FMN1: variants seen among roughly 807,000 people sequenced by gnomAD.
FMN1 encodes formin 1.
FMN1 carries 110 observed loss-of-function variants against 132.4 expected under a neutral mutation model. That is an observed-to-expected ratio of 0.83 (90% CI 0.71 to 0.97). The LOEUF (loss-of-function observed/expected upper bound fraction) is 0.97. FMN1 is among the 50% of genes least tolerant of loss of function. The probability of loss-of-function intolerance (pLI) is 0.00; values close to 1 mark genes in which losing one functional copy is unlikely to be tolerated. For missense variants in FMN1, 1,792 were observed against 1,705.3 expected (o/e 1.05, Z -0.90); for synonymous variants, 722 against 651.7 (o/e 1.11, Z -1.64).
chr15:32,864,035 T>C (rs2059337423), intron 16 of FMN1, among the ~76,000 whole-genome samples: 1 of 152,040 alleles, frequency 6.6e-6, no homozygotes, highest in African/African-American at 2.4e-5. Flanking sequence ...ATTAATAAAA[T>C]ATTAGATATT....
intron 10 of FMN1, among the ~76,000 whole-genome samples, chr15:32,914,836 A>G (rs2060646273): frequency 1.3e-5 from 2 of 152,224 alleles, no homozygotes; most frequent in African/African-American, 4.8e-5. Context: ...CCCCCCAGAA[A>G]CAGGCAGAGG....
chr15:32,873,754 A>G (rs1237482596), intron 16 of FMN1, among the ~76,000 whole-genome samples: 1 of 152,124 alleles, frequency 6.6e-6, no homozygotes, highest in Admixed American at 6.5e-5. Context: ...AATGCCTATT[A>G]AACTCTCTAA....
At chr15:33,049,852 T>G (rs2036885268) in intron 6 of FMN1, among the ~76,000 whole-genome samples, 1 of 152,350 alleles carries the variant, frequency 6.6e-6, no homozygotes, top group South Asian at 2.1e-4. Flanking sequence ...TCTATAATTG[T>G]TGTTCCACCA....
chr15:33,067,633 C>T, intron 5 of FMN1: 1 of 1,614,016 alleles, frequency 6.2e-7, no homozygotes, highest in Non-Finnish European at 8.5e-7. Flanking sequence ...AAACCCGAGA[C>T]CCTGCTTCCT....
intron 9 of FMN1, among the ~76,000 whole-genome samples, chr15:32,952,150 T>C (rs968578073): frequency 1.3e-5 from 2 of 152,196 alleles, no homozygotes; most frequent in Non-Finnish European, 2.9e-5. Context: ...GCTAAGTTTT[T>C]CAGATACCTC....
At chr15:32,813,787 G>A (rs1353385022) in intron 17 of FMN1, among the ~76,000 whole-genome samples, 1 of 152,130 alleles carries the variant, frequency 6.6e-6, no homozygotes, top group African/African-American at 2.4e-5. Context: ...AGTAGATGAA[G>A]CGACTATTTG....
intron 5 of FMN1, chr15:33,067,050 C>T: frequency 1.2e-6 from 2 of 1,613,948 alleles, no homozygotes; most frequent in Non-Finnish European, 1.7e-6. Context: ...ACACGAAGCC[C>T]ACTGAAAAAA....
intron 19 of FMN1, among the ~76,000 whole-genome samples, chr15:32,783,836 T>C (rs11631485): frequency 0.25 from 36,819 of 149,034 alleles, 4,625 homozygotes; most frequent in Middle Eastern, 0.29. Flanking sequence ...CCCACTGTTA[T>C]AGCCTCATCT....
At chr15:32,858,185 T>C (rs1487241258) in intron 16 of FMN1, among the ~76,000 whole-genome samples, 8 of 152,214 alleles carry the variant, frequency 5.3e-5, no homozygotes, top group South Asian at 2.1e-4. Flanking sequence ...TTTATTTACA[T>C]TGGGAAATTC....
intron 8 of FMN1, among the ~76,000 whole-genome samples, chr15:32,966,912 T>C (rs1323170868): frequency 1.3e-5 from 2 of 152,160 alleles, no homozygotes; most frequent in African/African-American, 4.8e-5. Context: ...AAAGCAGTAG[T>C]GCTAATAGGT....
rs200053854 is a variant in FMN1 at position 33,172,222 on chromosome 15, A to G, written c.-132+7976T>C. 7.3e-5 allele frequency among the ~76,000 whole-genome samples: 11 copies of G among 151,480 alleles called. No homozygotes were observed. The East Asian group carries it at 1.4e-3, about 19-fold the overall frequency. ...GACTCCGTCTCAAAAAAAAAAAAAG[A>G]AAAGAAAGAAATGTGTTTTCTATTT... On this transcript the variant is annotated intron_variant, in intron 3 of 20. Coordinates refer to ENST00000616417, the MANE Select transcript of FMN1 (RefSeq NM_001277313.2).
chr15:32,862,101 G>C (rs561934528), intron 16 of FMN1, among the ~76,000 whole-genome samples: 14 of 152,228 alleles, frequency 9.2e-5, no homozygotes, highest in African/African-American at 3.4e-4. Flanking sequence ...TATTGACTTG[G>C]CTTATCCGAG....
At chr15:32,829,901 G>A (rs140195038) in intron 17 of FMN1, among the ~76,000 whole-genome samples, 55 of 152,254 alleles carry the variant, frequency 3.6e-4, no homozygotes, top group African/African-American at 1.2e-3. Context: ...AGAAATGAGG[G>A]GGGACACATT....
chr15:33,058,538 G>A (rs2037339329), intron 6 of FMN1, among the ~76,000 whole-genome samples: 1 of 152,184 alleles, frequency 6.6e-6, no homozygotes, highest in African/African-American at 2.4e-5. Flanking sequence ...AGAATCCACA[G>A]CCTAGAAGCA....
chr15:32,891,530 A>G (rs347936), intron 15 of FMN1, among the ~76,000 whole-genome samples: 41,662 of 152,198 alleles, frequency 0.27, 6,008 homozygotes, highest in African/African-American at 0.36. Flanking sequence ...CACCGTGTCC[A>G]GCCTAGAGTT....
chr15:32,796,932 G>T (rs1444140387), intron 19 of FMN1, among the ~76,000 whole-genome samples: 2 of 152,154 alleles, frequency 1.3e-5, no homozygotes, highest in Non-Finnish European at 2.9e-5. Context: ...AGCATGGCTG[G>T]AATGAAGGGT....
At chr15:32,960,887 C>A (rs142821492) in intron 9 of FMN1, among the ~76,000 whole-genome samples, 1 of 147,920 alleles carries the variant, frequency 6.8e-6, no homozygotes, top group African/African-American at 2.5e-5. Context: ...CCTAGCTACT[C>A]GGGAGGCTGA....
At chr15:33,039,276 T>G (rs2036319445) in intron 6 of FMN1, among the ~76,000 whole-genome samples, 1 of 152,172 alleles carries the variant, frequency 6.6e-6, no homozygotes, top group East Asian at 1.9e-4. Context: ...ACAGAGATAA[T>G]TATTTACCAA....
chr15:33,122,983 T>A (rs886643833), intron 4 of FMN1, among the ~76,000 whole-genome samples: 1 of 151,910 alleles, frequency 6.6e-6, no homozygotes, highest in African/African-American at 2.4e-5. Context: ...GTAATTAATG[T>A]CACAAATAAA....
Sources: gnomAD v4.1 joint callset for allele counts (sites outside exome capture counted in the v4.1 genomes callset) on GRCh38, gnomAD v4.1.1 for gene constraint, MANE v1.5 for transcripts, NCBI Gene and HGNC (gene_info 2026-07-23, HGNC 2026-07-21) for gene names.